The following TUBGCP3 variants were observed in gnomAD, a reference collection of about 807,000 sequenced individuals.
TUBGCP3 encodes gamma-tubulin complex component 3.
A neutral mutation model predicts 123.1 loss-of-function variants in TUBGCP3; 50 were observed. That is an observed-to-expected ratio of 0.41 (90% confidence interval 0.32 to 0.51). The LOEUF (loss-of-function observed/expected upper bound fraction) is 0.51. Among genes scored for constraint, TUBGCP3 ranks in the 20% least tolerant of loss-of-function variants. The pLI, the probability that TUBGCP3 is intolerant of heterozygous loss-of-function variation, is 0.36. For missense variants in TUBGCP3, 882 were observed against 1,127.0 expected, an observed-to-expected ratio of 0.78 and a Z score of 3.11; for synonymous variants, 405 against 413.9, an observed-to-expected ratio of 0.98 and a Z score of 0.26.
intron 17 of TUBGCP3, among the ~76,000 whole-genome samples, chr13:112,515,718 G>A (rs181366831): frequency 1.3e-5 from 2 of 152,194 alleles, no homozygotes; most frequent in Non-Finnish European, 2.9e-5. Context: ...AATAAAAACC[G>A]ACAATTCTAC....
chr13:112,587,392 T>C (rs1882684245), intron 1 of TUBGCP3: 1 of 153,106 alleles, frequency 6.5e-6, no homozygotes, highest in South Asian at 2.0e-4. Context: ...TGTTAAACTT[T>C]CCTAACGAAA....
intron 11 of TUBGCP3, among the ~76,000 whole-genome samples, chr13:112,533,717 T>C (rs1254657179): frequency 6.6e-6 from 1 of 150,588 alleles, no homozygotes; most frequent in Non-Finnish European, 1.5e-5. Flanking sequence ...ATTTAAAAAA[T>C]AAGCCCGCAT....
At position 112,508,678 on chromosome 13, in the gene TUBGCP3, A is replaced by T. The variant is rs1392229335; in HGVS notation, c.2087-3964T>A. ...GATTAATGGCCTCACAAGGTATCCT[A>T]AAAAATACTCAAATTAGCGTATTTG... On this transcript the variant is annotated intron_variant, in intron 17 of 21. Coordinates refer to ENST00000261965, the MANE Select transcript of TUBGCP3 (RefSeq NM_006322.6). This position sits in a 1 kb window ranked among gnomAD's most constrained non-coding sequence, Gnocchi z 4.2. 6.6e-6 allele frequency among the ~76,000 whole-genome samples: 1 copy of T among 152,164 alleles called. No homozygotes were observed. The highest frequency in any genetic ancestry group is 1.5e-5 in the Non-Finnish European group (1 of 68,032).
intron 1 of TUBGCP3, among the ~76,000 whole-genome samples, chr13:112,586,621 C>A (rs1882625080): frequency 6.6e-6 from 1 of 152,190 alleles, no homozygotes; most frequent in African/African-American, 2.4e-5. Flanking sequence ...ATCTCAGAGG[C>A]TTTCCCTCAC....
At chr13:112,491,556 T>G (rs1294761786) in intron 20 of TUBGCP3, among the ~76,000 whole-genome samples, 1 of 152,222 alleles carries the variant, frequency 6.6e-6, no homozygotes, top group Non-Finnish European at 1.5e-5. Flanking sequence ...GAATATTTGC[T>G]TTATATGCTT....
intron 17 of TUBGCP3, among the ~76,000 whole-genome samples, chr13:112,505,307 G>A (rs1263603683): frequency 6.6e-6 from 1 of 152,226 alleles, no homozygotes; most frequent in Non-Finnish European, 1.5e-5. Flanking sequence ...CAAAGACTAT[G>A]GCAGCATATT....
rs1878888557 is a variant in TUBGCP3, at chr13:112,545,214, A to G, written c.1335+485T>C. Reference sequence around the variant, plus strand: ...CACCCTACCTTCCACCAAAAGCCCTATCATTTCTATCATGTGATTTACACA... The same window carrying G: ...CACCCTACCTTCCACCAAAAGCCCTGTCATTTCTATCATGTGATTTACACA... On this transcript the variant is annotated intron_variant, in intron 11 of 21. Coordinates refer to ENST00000261965, the MANE Select transcript of TUBGCP3 (RefSeq NM_006322.6). This position sits in a 1 kb window ranked among gnomAD's most constrained non-coding sequence, Gnocchi z 4.1. 1.9e-5 allele frequency: 3 copies of G among 156,112 alleles called. No homozygotes were observed. The highest frequency in any genetic ancestry group is 1.2e-4 in the Admixed American group (2 of 16,132). The allele number at this position is 156,112 out of a possible 1,614,324, so 9.7% of individuals were successfully genotyped here. A position where few individuals can be genotyped will look rare whatever the true frequency, so the allele number is the denominator to read the frequency against.
chr13:112,594,693 A>G, the TUBGCP3 span, among the ~76,000 whole-genome samples: 11 of 152,164 alleles, frequency 7.2e-5, no homozygotes. Context: ...TTCTAATGTA[A>G]ACATTTAGTG....
At chr13:112,496,591 A>G (rs913678908) in intron 20 of TUBGCP3, among the ~76,000 whole-genome samples, 1 of 152,304 alleles carries the variant, frequency 6.6e-6, no homozygotes, top group East Asian at 1.9e-4. Flanking sequence ...ATCAGCGTGG[A>G]CTTGGCCTAT....
upstream of TUBGCP3, among the ~76,000 whole-genome samples, chr13:112,589,646 CA>C (rs897968783): frequency 6.6e-6 from 1 of 152,044 alleles, no homozygotes; most frequent in African/African-American, 2.4e-5. Flanking sequence ...AGTCAGCCCA[CA>C]AAAAAATGGG....
chr13:112,560,902 A>G (rs1880464138), intron 3 of TUBGCP3, among the ~76,000 whole-genome samples: 1 of 152,216 alleles, frequency 6.6e-6, no homozygotes, highest in Admixed American at 6.5e-5. Flanking sequence ...GGCACTTCAC[A>G]GCTCACAAAA....
intron 9 of TUBGCP3, 121 bp downstream of exon 9, chr13:112,547,987 T>C (rs191729170): frequency 3.2e-5 from 29 of 902,046 alleles, no homozygotes; most frequent in Non-Finnish European, 3.3e-5. Context: ...ACAAATAATA[T>C]TATGAAAAAT....
intron 20 of TUBGCP3, among the ~76,000 whole-genome samples, chr13:112,491,137 C>T (rs1009864494): frequency 6.6e-6 from 1 of 152,178 alleles, no homozygotes; most frequent in African/African-American, 2.4e-5. Flanking sequence ...TCTTTGTTTC[C>T]GATTCACTGA....
chr13:112,547,369 C>T (rs914296934), intron 10 of TUBGCP3: 16 of 508,998 alleles, frequency 3.1e-5, no homozygotes, highest in Admixed American at 2.6e-4. Flanking sequence ...CAAGTGGTTA[C>T]GTCCCCTCTT....
In TUBGCP3 at chr13:112,524,837, T is replaced by C. The variant is rs969049370; in HGVS notation, c.1555+2105A>G. On this transcript the variant is annotated intron_variant, in intron 13 of 21. Coordinates refer to ENST00000261965, the MANE Select transcript of TUBGCP3 (RefSeq NM_006322.6). This position sits in a 1 kb window ranked among gnomAD's most constrained non-coding sequence, Gnocchi z 4.4. Reference sequence around the variant, plus strand: ...TTTTAACCAGAGTTTCAGTATAGCATTTCCAATACATGCTGGAAGCTTCCA... The same window carrying C: ...TTTTAACCAGAGTTTCAGTATAGCACTTCCAATACATGCTGGAAGCTTCCA... 1.4e-4 allele frequency among the ~76,000 whole-genome samples: 22 copies of C among 152,168 alleles called. No individual in the cohort carries two copies. Among genetic ancestry groups the C allele is most frequent in the Admixed American group, 7.2e-4 (11 of 15,282 alleles).
chr13:112,494,016 T>TG (rs1350522110), intron 20 of TUBGCP3, among the ~76,000 whole-genome samples: 1 of 151,014 alleles, frequency 6.6e-6, no homozygotes, highest in Non-Finnish European at 1.5e-5. Context: ...CAGGGCCTGG[T>TG]GTCCCTGAGA....
At chr13:112,526,114 ATT>A (rs760426914) in intron 13 of TUBGCP3, among the ~76,000 whole-genome samples, 2 of 152,028 alleles carry the variant, frequency 1.3e-5, no homozygotes, top group Non-Finnish European at 2.9e-5. Flanking sequence ...CACAATTATC[ATT>A]GTCATTACTA....
intron 11 of TUBGCP3, among the ~76,000 whole-genome samples, chr13:112,531,353 A>C (rs927907277): frequency 6.6e-6 from 1 of 152,218 alleles, no homozygotes; most frequent in Non-Finnish European, 1.5e-5. Flanking sequence ...ATTGCCCTTC[A>C]GGGGTAAACA....
rs560210815 is a variant in TUBGCP3, at chr13:112,514,016, C to T, written c.2086+2424G>A. Among the ~76,000 whole-genome samples, 7 of 152,242 alleles carry T rather than the reference C, an allele frequency of 4.6e-5. No homozygotes were observed. In the South Asian group the frequency reaches 1.5e-3, roughly 32 times the overall value. On this transcript the variant is annotated intron_variant, in intron 17 of 21. Transcript: ENST00000261965. ...CAAATTCATGGCGTATCCAACCCCC[C>T]GGTTAGTCACTCAGTAGCTGTCTCA...
Sources: gnomAD v4.1 joint callset for allele counts (sites outside exome capture counted in the v4.1 genomes callset) on GRCh38, gnomAD v4.1.1 for gene constraint, Gnocchi (gnomAD v3.1) non-coding constraint, MANE v1.5 for transcripts, NCBI Gene and HGNC (gene_info 2026-07-23, HGNC 2026-07-21) for gene names.